LOC128125822: variants seen among roughly 807,000 people sequenced by gnomAD.
chr6:63,573,437 CA>C, the LOC128125822 span: 1 of 152,184 alleles, frequency 6.6e-6, no homozygotes, highest in African/African-American at 2.4e-5. Flanking sequence ...GAGCCTCAGA[CA>C]AAATGGCCTC....
the LOC128125822 span, among the ~76,000 whole-genome samples, chr6:63,574,982 T>C: frequency 6.6e-6 from 1 of 152,220 alleles, no homozygotes; most frequent in Non-Finnish European, 1.5e-5. Context: ...AGTTACCTTT[T>C]TTATGGGACC....
At chr6:63,580,308 C>T in the LOC128125822 span, 20 of 726,968 alleles carry the variant, frequency 2.8e-5, no homozygotes, top group African/African-American at 3.5e-4. Flanking sequence ...TTTACCAGGC[C>T]TCAAGCTAGA....
At chr6:63,578,522 A>G in the LOC128125822 span, 5 of 1,611,248 alleles carry the variant, frequency 3.1e-6, no homozygotes, top group East Asian at 9.0e-5. Flanking sequence ...GAAGGTATCC[A>G]TGTTCTTGTA....
chr6:63,583,364 CTGGTTTAAAAG>C, the LOC128125822 span: 6 of 152,124 alleles, frequency 3.9e-5, no homozygotes, highest in Admixed American at 2.0e-4. Context: ...AAATTAAAGA[CTGGTTTAAAAG>C]TGGTTTAAAA....
chr6:63,583,390 C>T, the LOC128125822 span: 2 of 152,126 alleles, frequency 1.3e-5, no homozygotes, highest in Non-Finnish European at 2.9e-5. Context: ...TTAAAAGTGA[C>T]ATTTAATGTT....
At chr6:63,582,080 TAGAC>T in the LOC128125822 span, 2 of 152,184 alleles carry the variant, frequency 1.3e-5, no homozygotes, top group Admixed American at 6.5e-5. Context: ...CATTGGATTT[TAGAC>T]AGGGCAAAAG....
the LOC128125822 span, among the ~76,000 whole-genome samples, chr6:63,575,156 G>A: frequency 1.3e-5 from 2 of 152,276 alleles, no homozygotes; most frequent in Non-Finnish European, 1.5e-5. Context: ...GGTGTAAAAT[G>A]GAAATGGGAG....
At chr6:63,574,506 C>T in the LOC128125822 span, among the ~76,000 whole-genome samples, 1 of 152,106 alleles carries the variant, frequency 6.6e-6, no homozygotes, top group Non-Finnish European at 1.5e-5. Flanking sequence ...GGTGGCTCCA[C>T]TCAGTAAAAA....
the LOC128125822 span, chr6:63,581,408 G>A: frequency 1.3e-5 from 2 of 152,652 alleles, no homozygotes; most frequent in South Asian, 2.1e-4. Flanking sequence ...TAAAAACTTA[G>A]TGCGAGAGCT....
chr6:63,575,467 T>C, the LOC128125822 span, among the ~76,000 whole-genome samples: 4 of 152,194 alleles, frequency 2.6e-5, no homozygotes, highest in Non-Finnish European at 5.9e-5. Flanking sequence ...GATATTGGCA[T>C]AAAAATGGTT....
chr6:63,582,406 T>A, the LOC128125822 span: 2 of 152,512 alleles, frequency 1.3e-5, no homozygotes, highest in South Asian at 4.1e-4. Flanking sequence ...TAAAAATAAA[T>A]TAATTTACTT....
chr6:63,579,832 G>A, the LOC128125822 span, among the ~76,000 whole-genome samples: 6 of 152,040 alleles, frequency 3.9e-5, no homozygotes, highest in Admixed American at 3.9e-4. Context: ...TTTGTGAGTC[G>A]ACTGTTGTAA....
At chr6:63,575,552 C>A in the LOC128125822 span, among the ~76,000 whole-genome samples, 5 of 152,222 alleles carry the variant, frequency 3.3e-5, no homozygotes, top group African/African-American at 1.2e-4. Context: ...ACAGTAGTTA[C>A]CTTGCTTTTG....
At chr6:63,579,090 T>G in the LOC128125822 span, 2 of 1,466,046 alleles carry the variant, frequency 1.4e-6, no homozygotes, top group Non-Finnish European at 1.8e-6. Context: ...ATACAGAAAC[T>G]TGAAAAATTC....
the LOC128125822 span, chr6:63,583,023 T>C: frequency 6.6e-6 from 1 of 152,200 alleles, no homozygotes; most frequent in African/African-American, 2.4e-5. Flanking sequence ...AAATATCTAC[T>C]GTTTGCCAGG....
chr6:63,577,195 G>A, the LOC128125822 span, among the ~76,000 whole-genome samples: 2 of 152,170 alleles, frequency 1.3e-5, no homozygotes, highest in Admixed American at 1.3e-4. Context: ...TATTGTACCT[G>A]AGTTTGCTTG....
At chr6:63,576,465 T>C in the LOC128125822 span, 1 of 401,074 alleles carries the variant, frequency 2.5e-6, no homozygotes, top group Non-Finnish European at 4.4e-6. Flanking sequence ...GTCACACATT[T>C]ATGGAGTTTC....
chr6:63,575,069 G>C, the LOC128125822 span, among the ~76,000 whole-genome samples: 1 of 152,132 alleles, frequency 6.6e-6, no homozygotes, highest in African/African-American at 2.4e-5. Context: ...GATGTTTTCT[G>C]CAGTAATCAT....
At chr6:63,583,552 C>T in the LOC128125822 span, 6 of 152,168 alleles carry the variant, frequency 3.9e-5, no homozygotes, top group South Asian at 2.1e-4. Context: ...TATATATTGC[C>T]GCAGTAACCA....
Sources: allele counts gnomAD v4.1 joint callset (sites outside exome capture counted in the v4.1 genomes callset), GRCh38; gene constraint gnomAD v4.1.1; transcripts MANE v1.5.